The following RNF216 variants were observed in gnomAD, a reference collection of about 807,000 sequenced individuals.
RNF216 encodes E3 ubiquitin-protein ligase RNF216.
A neutral mutation model predicts 110.8 loss-of-function variants in RNF216; 72 were observed. The ratio of observed to expected loss-of-function variants is 0.65; its 90% CI spans 0.54 to 0.79. The LOEUF is 0.79. Ranked by LOEUF, RNF216 falls within the 30% of genes least tolerant of loss-of-function variation. RNF216 has a pLI of 0.00. For synonymous variants in RNF216, 495 were observed against 407.5 expected, an observed-to-expected ratio of 1.21 and a Z score of -2.59; for missense variants, 1,342 against 1,141.2, an observed-to-expected ratio of 1.18 and a Z score of -2.54.
chr7:5,697,378 C>T (rs1246910998), intron 13 of RNF216, among the ~76,000 whole-genome samples: 2 of 152,184 alleles, frequency 1.3e-5, no homozygotes, highest in Non-Finnish European at 2.9e-5. Flanking sequence ...GCTGAACGAA[C>T]GACCAGACTT....
chr7:5,743,654 A>G (rs540409982), intron 3 of RNF216, among the ~76,000 whole-genome samples: 1 of 152,328 alleles, frequency 6.6e-6, no homozygotes, highest in African/African-American at 2.4e-5. Flanking sequence ...ATGTACCCAC[A>G]TGTATATACA....
intron 15 of RNF216, among the ~76,000 whole-genome samples, chr7:5,638,502 G>A (rs1787536719): frequency 6.6e-6 from 1 of 152,182 alleles, no homozygotes; most frequent in Admixed American, 6.5e-5. Context: ...CCCAATTACA[G>A]TGTAGCAGAT....
chr7:5,709,856 C>G (rs9648578), intron 13 of RNF216, among the ~76,000 whole-genome samples: 124,721 of 152,220 alleles, frequency 0.82, 53,016 homozygotes, highest in Middle Eastern at 0.92. Flanking sequence ...CTGGGCTCAA[C>G]TGATTGTCCT....
At chr7:5,776,460 T>C (rs1463130229) in intron 1 of RNF216, among the ~76,000 whole-genome samples, 2 of 149,044 alleles carry the variant, frequency 1.3e-5, no homozygotes, top group Non-Finnish European at 3.0e-5. Flanking sequence ...CCAGGCGTGG[T>C]GGCGGGCGCC....
chr7:5,642,507 G>C (rs1787799303), intron 14 of RNF216, among the ~76,000 whole-genome samples: 1 of 151,268 alleles, frequency 6.6e-6, no homozygotes, highest in African/African-American at 2.4e-5. Flanking sequence ...GAGCCACTGT[G>C]CCTGGCCTAT....
chr7:5,685,338 G>A (rs1170467259), intron 13 of RNF216, among the ~76,000 whole-genome samples: 3 of 152,118 alleles, frequency 2.0e-5, no homozygotes, highest in African/African-American at 4.8e-5. Context: ...TTAATGTCAG[G>A]AGGCCCCTTT....
intron 13 of RNF216, among the ~76,000 whole-genome samples, chr7:5,703,317 G>A (rs1484170856): frequency 2.6e-5 from 4 of 152,214 alleles, no homozygotes; most frequent in Non-Finnish European, 2.9e-5. Context: ...TGTGAAGGCC[G>A]TGCTCAGCAC....
chr7:5,724,223 G>A (rs1186271990), intron 8 of RNF216, among the ~76,000 whole-genome samples: 1 of 152,164 alleles, frequency 6.6e-6, no homozygotes, highest in African/African-American at 2.4e-5. Context: ...GGCACACAGG[G>A]AAGAGGAGAA....
At chr7:5,639,759 C>G (rs930955807) in intron 15 of RNF216, among the ~76,000 whole-genome samples, 1 of 150,808 alleles carries the variant, frequency 6.6e-6, no homozygotes, top group Non-Finnish European at 1.5e-5. Context: ...CGTGCCTAGC[C>G]TTAATTTTTT....
At chr7:5,653,108 T>C (rs1338569048) in intron 13 of RNF216, among the ~76,000 whole-genome samples, 1 of 152,238 alleles carries the variant, frequency 6.6e-6, no homozygotes, top group East Asian at 1.9e-4. Flanking sequence ...ATGGCCTACT[T>C]CAGTTCACCA....
intron 13 of RNF216, among the ~76,000 whole-genome samples, chr7:5,708,609 A>G (rs1307389662): frequency 6.6e-6 from 1 of 152,194 alleles, no homozygotes; most frequent in African/African-American, 2.4e-5. Context: ...CTGCAAGAAG[A>G]TTTTGCTAAA....
intron 1 of RNF216, among the ~76,000 whole-genome samples, chr7:5,772,455 G>A (rs185038887): frequency 4.1e-4 from 63 of 152,224 alleles, no homozygotes; most frequent in Non-Finnish European, 8.1e-4. Context: ...CACCCAGGCT[G>A]GAGTGCAGTG....
Position 5,624,178 on chromosome 7 carries a change from G to T in RNF216, c.2383-53C>A. Reference sequence around the variant, plus strand: ...ACCTGTAGCTTCATGCAGTGCTGAGGCCCCGTGGGACAGTGAGGAGGCCGC... The same window carrying T: ...ACCTGTAGCTTCATGCAGTGCTGAGTCCCCGTGGGACAGTGAGGAGGCCGC... On this transcript the variant is annotated intron_variant, in intron 15 of 16. Transcript: ENST00000389902. The surrounding 1 kb of genome is among the most constrained non-coding windows in gnomAD (Gnocchi z 4.4). 6.6e-7 allele frequency: 1 copy of T among 1,509,132 alleles called. No individual in the cohort carries two copies. Among genetic ancestry groups the T allele is most frequent in the Non-Finnish European group, 9.1e-7 (1 of 1,094,184 alleles). The allele number at this position is 1,509,132 out of a possible 1,614,324, so 93.5% of individuals were successfully genotyped here. A position where few individuals can be genotyped will look rare whatever the true frequency, so the allele number is the denominator to read the frequency against.
At chr7:5,660,864 C>G (rs556418691) in intron 13 of RNF216, among the ~76,000 whole-genome samples, 3 of 151,558 alleles carry the variant, frequency 2.0e-5, no homozygotes, top group Non-Finnish European at 4.4e-5. Flanking sequence ...GCCACCATGC[C>G]TGGCCTGGGG....
At chr7:5,754,964 G>A (rs1323111962) in intron 2 of RNF216, among the ~76,000 whole-genome samples, 1 of 151,548 alleles carries the variant, frequency 6.6e-6, no homozygotes, top group Non-Finnish European at 1.5e-5. Context: ...GGAGATGGAG[G>A]CTGCAGTAAG....
chr7:5,759,227 G>A (rs76472186), intron 2 of RNF216, among the ~76,000 whole-genome samples: 11,776 of 152,106 alleles, frequency 0.077, 540 homozygotes, highest in East Asian at 0.12. Context: ...AGCAGAGGCC[G>A]CTATGTTTCC....
chr7:5,749,880 T>C (rs1054894768), intron 3 of RNF216, among the ~76,000 whole-genome samples: 2 of 152,092 alleles, frequency 1.3e-5, no homozygotes, highest in Admixed American at 1.3e-4. Context: ...GAATCATGGG[T>C]TTTTATGGCT....
intron 2 of RNF216, among the ~76,000 whole-genome samples, chr7:5,759,892 A>T (rs1795843460): frequency 1.3e-5 from 2 of 152,004 alleles, no homozygotes; most frequent in African/African-American, 4.8e-5. Context: ...CGGTCTCCCA[A>T]AGTGCTGGGA....
At chr7:5,670,863 G>C (rs1789862910) in intron 13 of RNF216, among the ~76,000 whole-genome samples, 1 of 152,184 alleles carries the variant, frequency 6.6e-6, no homozygotes, top group South Asian at 2.1e-4. Context: ...GCCGTCTGTA[G>C]CCTTTTTCAG....
Sources: gnomAD v4.1 joint callset for allele counts (sites outside exome capture counted in the v4.1 genomes callset) on GRCh38, gnomAD v4.1.1 for gene constraint, Gnocchi (gnomAD v3.1) non-coding constraint, MANE v1.5 for transcripts, NCBI Gene and HGNC (gene_info 2026-07-23, HGNC 2026-07-21) for gene names.